DDX55: variants seen among roughly 807,000 people sequenced by gnomAD.
DDX55 encodes the protein DEAD-box helicase 55.
A neutral mutation model predicts 69.2 loss-of-function variants in DDX55; 56 were observed. That is an observed-to-expected ratio of 0.81 (90% CI 0.65 to 1.01). The LOEUF is 1.01. Among genes scored for constraint, DDX55 ranks in the 50% least tolerant of loss-of-function variants. The pLI, the probability that DDX55 is intolerant of heterozygous loss-of-function variation, is 0.00. For missense variants in DDX55, 720 were observed against 745.1 expected, an observed-to-expected ratio of 0.97 and a Z score of 0.39; for synonymous variants, 268 against 273.1, an observed-to-expected ratio of 0.98 and a Z score of 0.18.
chr12:123,603,492 A>G (rs1320605183), intron 1 of DDX55, among the ~76,000 whole-genome samples: 1 of 150,394 alleles, frequency 6.6e-6, no homozygotes, highest in Admixed American at 6.7e-5. Flanking sequence ...CCTGGGTTCA[A>G]GCAATTCTCT....
intron 9 of DDX55, 28 bp from the exon 10 acceptor site, chr12:123,616,483 C>T (rs765845166): frequency 1.2e-6 from 2 of 1,609,468 alleles, no homozygotes; most frequent in African/African-American, 2.7e-5. Context: ...GGCCTCCTTA[C>T]TCAGAATGCT....
chr12:123,604,387 T>C (rs1044660519), intron 1 of DDX55, among the ~76,000 whole-genome samples: 1 of 152,178 alleles, frequency 6.6e-6, no homozygotes, highest in Non-Finnish European at 1.5e-5. Flanking sequence ...CACAAAAATT[T>C]TTTTTAAATA....
chr12:123,602,837 A>G (rs1475140810), intron 1 of DDX55, among the ~76,000 whole-genome samples: 1 of 152,092 alleles, frequency 6.6e-6, no homozygotes, highest in South Asian at 2.1e-4. Context: ...AAGAACTAAG[A>G]CGGTTGTGAT....
chr12:123,616,430 T>C (rs1030378041), intron 9 of DDX55, 81 bp from the exon 10 acceptor site: 41 of 1,272,822 alleles, frequency 3.2e-5, no homozygotes, highest in Non-Finnish European at 4.4e-5. Flanking sequence ...TGTGTGTCAC[T>C]GTCATCGAGA....
chr12:123,603,325 T>G (rs1405691838), intron 1 of DDX55, among the ~76,000 whole-genome samples: 1 of 151,400 alleles, frequency 6.6e-6, no homozygotes, highest in Non-Finnish European at 1.5e-5. Context: ...GGGATAGCTT[T>G]AAGGTTGCTA....
At chr12:123,614,284 C>T (rs1210253377) in intron 8 of DDX55, among the ~76,000 whole-genome samples, 1 of 152,202 alleles carries the variant, frequency 6.6e-6, no homozygotes, top group Non-Finnish European at 1.5e-5. Flanking sequence ...CACTTCATTA[C>T]ATACTATGTG....
chr12:123,606,318 C>T (rs982087384), intron 3 of DDX55, among the ~76,000 whole-genome samples, 159 bp downstream of exon 3: 1 of 151,970 alleles, frequency 6.6e-6, no homozygotes, highest in East Asian at 1.9e-4. Flanking sequence ...CACTGGAGTC[C>T]AGGAGTTTGA....
intron 13 of DDX55, 31 bp downstream of exon 13, chr12:123,619,755 G>C (rs754591012): frequency 1.3e-6 from 2 of 1,547,902 alleles, no homozygotes; most frequent in Non-Finnish European, 1.7e-6. Context: ...CATTAACTTA[G>C]AATCTTGAAC....
rs768584099 is a variant in DDX55, at chr12:123,619,299, G to A, written c.1334-133G>A. 402 of 1,386,230 alleles carry A rather than the reference G, an allele frequency of 2.9e-4. 1 individual carries two copies. The highest frequency in any genetic ancestry group is 3.6e-4 in the Non-Finnish European group (387 of 1,061,524). 85.9% of individuals were successfully genotyped at this position (1,386,230 alleles called of 1,614,324 possible). On this transcript the variant is annotated intron_variant, in intron 12 of 13. Coordinates refer to ENST00000238146, the MANE Select transcript of DDX55 (RefSeq NM_020936.3). Reference sequence around the variant, plus strand: ...ATTACAGGCGTGAGCCACTGCACCCGGCCTCAATTATTTTCATTCTAACTA... The same window carrying A: ...ATTACAGGCGTGAGCCACTGCACCCAGCCTCAATTATTTTCATTCTAACTA...
At chr12:123,618,175 G>A (rs534681559) in intron 11 of DDX55, 24 of 388,012 alleles carry the variant, frequency 6.2e-5, no homozygotes, top group African/African-American at 5.0e-4. Context: ...CGCCACCCCA[G>A]CTAATTTTGT....
At chr12:123,603,622 C>T (rs1325038858) in intron 1 of DDX55, among the ~76,000 whole-genome samples, 4 of 152,012 alleles carry the variant, frequency 2.6e-5, no homozygotes, top group Non-Finnish European at 5.9e-5. Context: ...GAACTCCTGA[C>T]CTCCTGATCC....
chr12:123,617,951 T>C, intron 11 of DDX55, 79 bp downstream of exon 11: 1 of 1,431,120 alleles, frequency 7.0e-7, no homozygotes, highest in South Asian at 1.2e-5. Context: ...GGTCAGCAAT[T>C]GAAATTACGA....
rs1309098329 is a variant in DDX55, at chr12:123,607,632, G to A, written c.371G>A (p.Gly124Glu). The A allele has an allele frequency of 6.2e-7, 1 of 1,614,016 alleles. No individual in the cohort carries two copies. The highest frequency in any genetic ancestry group is 8.5e-7 in the Non-Finnish European group (1 of 1,180,050). ...QILWIGGRNP[G>E]EDVERFKQQG... ...CTTTGGATCGGAGGCAGGAATCCTG[G>A]AGAAGATGTTGAGAGGTTTAAGCAA... is the stretch of plus-strand genomic sequence containing the variant. The change falls in exon 5 of 14, where the codon GGA becomes GAA. Residue 124 changes from glycine to glutamate, a missense_variant. By Grantham distance (98) the Gly-to-Glu change is moderately conservative. Coordinates refer to ENST00000238146, the MANE Select transcript of DDX55 (RefSeq NM_020936.3).
chr12:123,619,606 G>A lies in DDX55; in HGVS notation c.1508G>A (p.Arg503Lys), dbSNP rs1445041380. ...KQRQKLLEQQ[R>K]REKTENEGRR... The stretch of plus-strand genomic sequence containing the variant: ...AGGCAGAAACTCCTGGAGCAACAAA[G>A]AAGAGAGAAAACAGAAAATGAAGGG... The change falls in exon 13 of 14, where the codon AGA becomes AAA. Residue 503 changes from arginine to lysine, a missense_variant. Transcript: ENST00000238146. 2 of 1,612,092 alleles carry A rather than the reference G, an allele frequency of 1.2e-6. No homozygotes were observed. The highest frequency in any genetic ancestry group is 1.7e-6 in the Non-Finnish European group (2 of 1,179,298).
At chr12:123,617,174 A>T (rs1417676063) in intron 10 of DDX55, among the ~76,000 whole-genome samples, 1 of 152,206 alleles carries the variant, frequency 6.6e-6, no homozygotes, top group Non-Finnish European at 1.5e-5. Flanking sequence ...TAAGTAGCAA[A>T]AATAGGCAAA....
Position 123,618,713 on chromosome 12 carries a change from T to C in DDX55, c.1209T>C (p.Leu403=), listed in dbSNP as rs1158438400. The C allele has an allele frequency of 1.9e-6, 3 of 1,614,198 alleles. No individual in the cohort carries two copies. In the African/African-American group the frequency reaches 4.0e-5, roughly 22 times the overall value. The change falls in exon 12 of 14, where the codon CTT becomes CTC. Residue 403 remains leucine (L), a synonymous_variant. Coordinates refer to ENST00000238146, the MANE Select transcript of DDX55 (RefSeq NM_020936.3). The part of the protein sequence containing the change: ...EMKPQRNTAD[L]LPKLKSMALA... ...AGCCCCAGAGAAACACAGCGGACCT[T>C]CTGCCAAAACTCAAGTCCATGGCCC...
In DDX55 at chr12:123,602,160, G is replaced by C; in HGVS notation, c.12G>C (p.Val4=). MEH[V]TEGSWESLPV... Reference sequence around the variant, plus strand: ...CGAAGGAGCGCGCCATGGAGCATGTGACAGAGGGCTCCTGGGAGTCGCTGC... The same window carrying C: ...CGAAGGAGCGCGCCATGGAGCATGTCACAGAGGGCTCCTGGGAGTCGCTGC... Residue 4 remains valine (V), a synonymous_variant, in exon 1 of 14, where the codon GTG becomes GTC. Coordinates refer to ENST00000238146, the MANE Select transcript of DDX55 (RefSeq NM_020936.3). The C allele has an allele frequency of 2.6e-6, 4 of 1,557,706 alleles. No homozygotes were observed. Among genetic ancestry groups the C allele is most frequent in the Non-Finnish European group, 3.5e-6 (4 of 1,153,008 alleles).
intron 12 of DDX55, 37 bp from the exon 13 acceptor site, chr12:123,619,395 G>A (rs761896543): frequency 1.3e-6 from 2 of 1,583,910 alleles, no homozygotes; most frequent in Non-Finnish European, 8.6e-7. Flanking sequence ...TTCTAATCCT[G>A]TTGAGTGCGC....
In DDX55 at chr12:123,605,925, C is replaced by A. The variant is rs746018478; in HGVS notation, c.109-6C>A. The A allele has an allele frequency of 1.2e-6, 2 of 1,614,172 alleles. No homozygotes were observed. Among genetic ancestry groups the A allele is most frequent in the Non-Finnish European group, 1.7e-6 (2 of 1,180,034 alleles). ...TTAACCAGTGCTTTGCAATCTCTCT[C>A]TTTAGTCCGCAACCATCCCTCTGTT... On this transcript the variant is annotated splice_polypyrimidine_tract_variant and splice_region_variant and intron_variant, in intron 1 of 13. Transcript: ENST00000238146.
Sources: gnomAD v4.1 joint callset for allele counts (sites outside exome capture counted in the v4.1 genomes callset) on GRCh38, gnomAD v4.1.1 for gene constraint, MANE v1.5 for transcripts, NCBI Gene and HGNC (gene_info 2026-07-23, HGNC 2026-07-21) for gene names.